The following PDE3B variants were observed in gnomAD, a reference collection of about 807,000 sequenced individuals.
The protein encoded by PDE3B is phosphodiesterase 3B, also known as cGMP-inhibited 3',5'-cyclic phosphodiesterase 3B.
In PDE3B, 66 loss-of-function variants were observed where a neutral mutation model predicts 116.8. The observed-to-expected ratio is 0.56, with a 90% CI of 0.46 to 0.69. The LOEUF (loss-of-function observed/expected upper bound fraction) is 0.69, where lower values mean the gene tolerates loss of function less well. Among genes scored for constraint, PDE3B ranks in the 30% least tolerant of loss-of-function variants. The pLI, the probability that PDE3B is intolerant of heterozygous loss-of-function variation, is 0.00. For synonymous variants in PDE3B, 595 were observed against 533.6 expected, an observed-to-expected ratio of 1.12 and a Z score of -1.59; for missense variants, 1,384 against 1,368.1, an observed-to-expected ratio of 1.01 and a Z score of -0.18.
At chr11:14,665,049 C>A (rs1213127413) in intron 1 of PDE3B, among the ~76,000 whole-genome samples, 1 of 152,226 alleles carries the variant, frequency 6.6e-6, no homozygotes, top group African/African-American at 2.4e-5. Flanking sequence ...TCCAGCAGCA[C>A]ATCAAAAAGC....
chr11:14,833,248 T>C (rs1291437785), intron 10 of PDE3B, among the ~76,000 whole-genome samples: 2 of 152,174 alleles, frequency 1.3e-5, no homozygotes, highest in African/African-American at 2.4e-5. Context: ...CTGCCGCGCC[T>C]GGCCTGAAAA....
At chr11:14,703,015 A>G (rs1373629641) in intron 1 of PDE3B, among the ~76,000 whole-genome samples, 2 of 151,692 alleles carry the variant, frequency 1.3e-5, no homozygotes, top group African/African-American at 4.8e-5. Context: ...TCTCTAGTTC[A>G]TTTTTTTCTA....
At chr11:14,793,195 C>G (rs1296936884) in intron 4 of PDE3B, among the ~76,000 whole-genome samples, 2 of 152,028 alleles carry the variant, frequency 1.3e-5, no homozygotes, top group Non-Finnish European at 2.9e-5. Context: ...ATAAAATTAC[C>G]CATCTCTGAG....
At chr11:14,725,737 C>T (rs1299590968) in intron 1 of PDE3B, among the ~76,000 whole-genome samples, 1 of 150,632 alleles carries the variant, frequency 6.6e-6, no homozygotes, top group African/African-American at 2.5e-5. Context: ...CAATTATATG[C>T]ACTATTTCTT....
intron 12 of PDE3B, among the ~76,000 whole-genome samples, chr11:14,856,240 T>G (rs782618198): frequency 6.6e-6 from 1 of 152,242 alleles, no homozygotes; most frequent in Non-Finnish European, 1.5e-5. Context: ...CCACTGTGAC[T>G]GTAAGTTTCC....
intron 5 of PDE3B, among the ~76,000 whole-genome samples, chr11:14,810,001 A>T (rs1859073087): frequency 6.6e-6 from 1 of 152,146 alleles, no homozygotes; most frequent in African/African-American, 2.4e-5. Flanking sequence ...TAGAAGACTG[A>T]ATTTCCATCT....
In PDE3B at chr11:14,718,417, G is replaced by T. The variant is rs1855979233; in HGVS notation, c.979-53520G>T. On this transcript the variant is annotated intron_variant, in intron 1 of 15. Transcript: ENST00000282096. ...AATTGAACTCATCTCTGCACCAAGT[G>T]GACCTAATAGACATCTACAGAACTC... is the stretch of plus-strand genomic sequence containing the variant. Among the ~76,000 whole-genome samples the T allele has an allele frequency of 2.8e-5, 4 of 145,286 alleles. No individual in the cohort carries two copies. The Admixed American group carries it at 2.8e-4, about 10-fold the overall frequency.
chr11:14,684,162 T>G (rs910732833), intron 1 of PDE3B, among the ~76,000 whole-genome samples: 1 of 152,188 alleles, frequency 6.6e-6, no homozygotes, highest in African/African-American at 2.4e-5. Context: ...TGCCAAATTG[T>G]TTTTCAAAGT....
chr11:14,806,291 A>T (rs1040440050), intron 5 of PDE3B, among the ~76,000 whole-genome samples: 1 of 150,328 alleles, frequency 6.7e-6, no homozygotes, highest in African/African-American at 2.5e-5. Context: ...ATACAAAAAA[A>T]AAAAAAATCA....
intron 12 of PDE3B, among the ~76,000 whole-genome samples, chr11:14,847,145 A>C (rs1292336751): frequency 6.6e-6 from 1 of 152,264 alleles, no homozygotes; most frequent in African/African-American, 2.4e-5. Flanking sequence ...ACTGTCTCTC[A>C]GACCACAGTG....
At chr11:14,681,258 T>C (rs1317216676) in intron 1 of PDE3B, among the ~76,000 whole-genome samples, 2 of 152,178 alleles carry the variant, frequency 1.3e-5, no homozygotes, top group African/African-American at 4.8e-5. Flanking sequence ...TGAATGTATA[T>C]TGCTTTTGTA....
intron 1 of PDE3B, chr11:14,673,816 C>G: frequency 1.0e-6 from 1 of 959,680 alleles, no homozygotes; most frequent in Non-Finnish European, 1.7e-6. Context: ...GGGTGATCTG[C>G]AAGAATTTCG....
At chr11:14,675,795 G>A (rs1034094027) in intron 1 of PDE3B, among the ~76,000 whole-genome samples, 2 of 152,012 alleles carry the variant, frequency 1.3e-5, no homozygotes. Flanking sequence ...TTCTTATGTT[G>A]ATGAATATTT....
At chr11:14,859,346 G>A in intron 13 of PDE3B, 100 bp downstream of exon 13, 2 of 709,298 alleles carry the variant, frequency 2.8e-6, no homozygotes, top group Non-Finnish European at 2.3e-6. Context: ...TTACTACTTA[G>A]GAAGTAACAA....
At chr11:14,767,778 CTAAA>C (rs1449342951) in intron 1 of PDE3B, among the ~76,000 whole-genome samples, 1 of 151,262 alleles carries the variant, frequency 6.6e-6, no homozygotes, top group Non-Finnish European at 1.5e-5. Flanking sequence ...CTTTTTCCCT[CTAAA>C]TATTCTGGGA....
intron 1 of PDE3B, among the ~76,000 whole-genome samples, chr11:14,650,717 G>A (rs916419366): frequency 1.3e-5 from 2 of 152,074 alleles, no homozygotes; most frequent in Non-Finnish European, 2.9e-5. Flanking sequence ...GCTTGAACCC[G>A]GGAGGCGGAG....
intron 1 of PDE3B, among the ~76,000 whole-genome samples, chr11:14,653,680 A>G (rs536360707): frequency 1.2e-4 from 18 of 152,124 alleles, no homozygotes; most frequent in Non-Finnish European, 2.4e-4. Context: ...ACCTGAAAAA[A>G]ATGATTGGGG....
intron 12 of PDE3B, among the ~76,000 whole-genome samples, chr11:14,847,161 A>T (rs187897701): frequency 8.3e-4 from 126 of 152,360 alleles, no homozygotes; most frequent in African/African-American, 2.8e-3. Flanking sequence ...CAGTGCAATC[A>T]AACTGGAACT....
intron 13 of PDE3B, among the ~76,000 whole-genome samples, chr11:14,860,867 G>A (rs1366413935): frequency 2.0e-5 from 3 of 151,534 alleles, no homozygotes; most frequent in Admixed American, 6.6e-5. Context: ...ATTCTTATAT[G>A]ATTTTTTGAT....
Sources: gnomAD v4.1 joint callset for allele counts (sites outside exome capture counted in the v4.1 genomes callset) on GRCh38, gnomAD v4.1.1 for gene constraint, MANE v1.5 for transcripts, NCBI Gene and HGNC (gene_info 2026-07-23, HGNC 2026-07-21) for gene names.